The following ARMH4 variants were observed in gnomAD, a reference collection of about 807,000 sequenced individuals.
The protein encoded by ARMH4 is armadillo-like helical domain-containing protein 4.
Under a neutral mutation model 61.9 loss-of-function variants are expected in ARMH4, and 49 were observed. That is an observed-to-expected ratio of 0.79 (90% CI 0.63 to 1.00). The LOEUF is 1.00. Among genes scored for constraint, ARMH4 ranks in the 50% least tolerant of loss-of-function variants. The pLI is 0.00. For missense variants in ARMH4, 934 were observed against 930.0 expected (o/e 1.00, Z -0.06); for synonymous variants, 368 against 341.5 (o/e 1.08, Z -0.85).
chr14:58,041,388 A>G (rs1883697398), intron 5 of ARMH4, among the ~76,000 whole-genome samples: 1 of 152,204 alleles, frequency 6.6e-6, no homozygotes, highest in South Asian at 2.1e-4. Flanking sequence ...ACAGACAAGC[A>G]AATGCTGAGA....
At chr14:58,063,338 G>A (rs1166239853) in intron 5 of ARMH4, among the ~76,000 whole-genome samples, 1 of 152,050 alleles carries the variant, frequency 6.6e-6, no homozygotes, top group African/African-American at 2.4e-5. Flanking sequence ...AATATATGAA[G>A]ACTTTATTTC....
At chr14:58,068,642 C>T (rs925683603) in intron 5 of ARMH4, among the ~76,000 whole-genome samples, 2 of 152,102 alleles carry the variant, frequency 1.3e-5, no homozygotes, top group African/African-American at 4.8e-5. Context: ...AAAAGTGTTA[C>T]CAGGAAAGTG....
At chr14:58,098,628 T>C (rs1182695913) in intron 4 of ARMH4, among the ~76,000 whole-genome samples, 1 of 152,206 alleles carries the variant, frequency 6.6e-6, no homozygotes, top group Non-Finnish European at 1.5e-5. Flanking sequence ...AGGAAGAGCA[T>C]TCCCAGTGGA....
intron 4 of ARMH4, among the ~76,000 whole-genome samples, chr14:58,117,666 C>A (rs373937509): frequency 6.6e-6 from 1 of 152,158 alleles, no homozygotes. Context: ...CTCAACAACA[C>A]CCTATCTTCC....
chr14:58,095,869 A>G (rs915748897), intron 5 of ARMH4, among the ~76,000 whole-genome samples: 4 of 152,234 alleles, frequency 2.6e-5, no homozygotes, highest in Non-Finnish European at 5.9e-5. Context: ...TGAAGGAATC[A>G]ATGGGCCTAG....
intron 5 of ARMH4, among the ~76,000 whole-genome samples, chr14:58,076,649 G>A (rs899730837): frequency 2.6e-5 from 4 of 152,110 alleles, no homozygotes; most frequent in Admixed American, 2.6e-4. Flanking sequence ...CAGTAAAGTT[G>A]TTTTTTTAAA....
At chr14:58,137,271 T>C (rs369607926) in intron 2 of ARMH4, among the ~76,000 whole-genome samples, 2 of 152,336 alleles carry the variant, frequency 1.3e-5, no homozygotes. Flanking sequence ...ACCCCTCAGT[T>C]CTAACAACTA....
At chr14:58,090,374 A>G (rs1885516291) in intron 5 of ARMH4, among the ~76,000 whole-genome samples, 1 of 152,168 alleles carries the variant, frequency 6.6e-6, no homozygotes, top group Non-Finnish European at 1.5e-5. Context: ...ATAGATGTGT[A>G]TCACCAACAA....
At chr14:58,090,217 T>G (rs1031203139) in intron 5 of ARMH4, among the ~76,000 whole-genome samples, 4 of 152,180 alleles carry the variant, frequency 2.6e-5, no homozygotes, top group African/African-American at 9.7e-5. Context: ...GGAACATCAA[T>G]CAAATTCTAA....
chr14:58,031,203 A>G (rs1336397591), intron 5 of ARMH4, among the ~76,000 whole-genome samples: 6 of 152,246 alleles, frequency 3.9e-5, no homozygotes, highest in Admixed American at 1.3e-4. Flanking sequence ...TTCAGCAGAC[A>G]TAATTAAATC....
At chr14:58,029,580 T>C (rs1883153339) in intron 5 of ARMH4, among the ~76,000 whole-genome samples, 2 of 152,042 alleles carry the variant, frequency 1.3e-5, no homozygotes, top group Admixed American at 6.5e-5. Flanking sequence ...TTTATACAAA[T>C]GGCCAATAAA....
chr14:58,057,715 G>A (rs1383412632), intron 5 of ARMH4, among the ~76,000 whole-genome samples: 1 of 152,156 alleles, frequency 6.6e-6, no homozygotes, highest in African/African-American at 2.4e-5. Flanking sequence ...AAACTATTTA[G>A]CTGCTCAGGA....
At chr14:58,108,651 G>T (rs1594761795) in intron 4 of ARMH4, among the ~76,000 whole-genome samples, 1 of 152,258 alleles carries the variant, frequency 6.6e-6, no homozygotes, top group South Asian at 2.1e-4. Flanking sequence ...AAGATTTCGG[G>T]TATTTGGTTG....
At chr14:58,070,575 T>G (rs1884851598) in intron 5 of ARMH4, among the ~76,000 whole-genome samples, 1 of 152,182 alleles carries the variant, frequency 6.6e-6, no homozygotes, top group African/African-American at 2.4e-5. Context: ...GGCAAGGGGT[T>G]CATCTACAAA....
intron 4 of ARMH4, among the ~76,000 whole-genome samples, chr14:58,109,455 A>G (rs1886276697): frequency 6.6e-6 from 1 of 152,166 alleles, no homozygotes; most frequent in Non-Finnish European, 1.5e-5. Flanking sequence ...GTGTGTTTCC[A>G]TGCCTATTCT....
chr14:58,135,754 A>T (rs1465173804), intron 2 of ARMH4, among the ~76,000 whole-genome samples: 8 of 152,148 alleles, frequency 5.3e-5, no homozygotes, highest in Non-Finnish European at 1.0e-4. Context: ...TAAAAACACC[A>T]AGAAATCATT....
chr14:58,093,854 A>G (rs1490131932), intron 5 of ARMH4, among the ~76,000 whole-genome samples: 7 of 152,220 alleles, frequency 4.6e-5, no homozygotes, highest in Non-Finnish European at 8.8e-5. Flanking sequence ...GGAAACCCAC[A>G]ATGCTGAAAA....
intron 5 of ARMH4, among the ~76,000 whole-genome samples, chr14:58,026,536 C>T (rs1343961224): frequency 1.3e-5 from 2 of 152,124 alleles, no homozygotes; most frequent in Non-Finnish European, 2.9e-5. Flanking sequence ...ATAGTTTGGC[C>T]TTCATACTTT....
intron 5 of ARMH4, among the ~76,000 whole-genome samples, chr14:58,015,200 GA>G (rs1378168634): frequency 6.6e-6 from 1 of 152,178 alleles, no homozygotes; most frequent in African/African-American, 2.4e-5. Context: ...ATCTAATGAA[GA>G]AATTCTCCAC....
Sources: allele counts gnomAD v4.1 joint callset (sites outside exome capture counted in the v4.1 genomes callset), GRCh38; gene constraint gnomAD v4.1.1; transcripts MANE v1.5; gene names NCBI Gene and HGNC (gene_info 2026-07-23, HGNC 2026-07-21).